Variants in COL6A2 observed in about 807,000 individuals in gnomAD.
The protein encoded by COL6A2 is collagen type VI alpha 2 chain.
In COL6A2, 90 loss-of-function variants were observed where a neutral mutation model predicts 124.9. That is an observed-to-expected ratio of 0.72 (90% CI 0.61 to 0.86). The LOEUF (loss-of-function observed/expected upper bound fraction) is 0.86. Ranked by LOEUF, COL6A2 falls within the 40% of genes least tolerant of loss-of-function variation. COL6A2 has a pLI of 0.00. For missense variants in COL6A2, 1,607 were observed against 1,502.5 expected (o/e 1.07, Z -1.15); for synonymous variants, 793 against 618.2 (o/e 1.28, Z -4.19).
In COL6A2 at chr21:46,121,971, C is replaced by A. The variant is rs2078573458; in HGVS notation, c.1522-137C>A. 2.0e-5 allele frequency: 18 copies of A among 907,560 alleles called. 1 individual carries two copies. The South Asian group carries it at 2.5e-4, about 13-fold the overall frequency. 56.2% of individuals were successfully genotyped at this position (907,560 alleles called of 1,614,324 possible). On this transcript the variant is annotated intron_variant, in intron 18 of 27. Coordinates refer to ENST00000300527, the MANE Select transcript of COL6A2 (RefSeq NM_001849.4). ...ACAGGGCGAGGTTGGCCCTGCCAGG[C>A]CTCTGCTCACAGCCAGAACTCGACG...
chr21:46,126,799 C>T (rs1463880089), intron 27 of COL6A2, among the ~76,000 whole-genome samples: 9 of 152,148 alleles, frequency 5.9e-5, no homozygotes, highest in South Asian at 2.1e-4. Flanking sequence ...GCGCTGTGCT[C>T]GGCATGTGGC....
intron 1 of COL6A2, among the ~76,000 whole-genome samples, chr21:46,100,323 TG>T (rs1398969992): frequency 6.6e-6 from 1 of 152,118 alleles, no homozygotes; most frequent in Non-Finnish European, 1.5e-5. Context: ...TTTGTTTGTT[TG>T]TTTGTTTGGG....
intron 25 of COL6A2, 47 bp downstream of exon 25, chr21:46,125,664 G>A: frequency 3.1e-6 from 5 of 1,592,626 alleles, no homozygotes; most frequent in Non-Finnish European, 4.3e-6. Flanking sequence ...GCCGGGCGGG[G>A]CGTGGGAGGC....
intron 17 of COL6A2, 76 bp downstream of exon 17, chr21:46,121,199 G>C (rs1265207595): frequency 1.4e-6 from 2 of 1,429,150 alleles, no homozygotes; most frequent in African/African-American, 1.4e-5. Flanking sequence ...GGACAGCCTG[G>C]AGCTAGCCAC....
At chr21:46,103,767 A>G (rs2078310495) in intron 1 of COL6A2, among the ~76,000 whole-genome samples, 1 of 152,198 alleles carries the variant, frequency 6.6e-6, no homozygotes, top group South Asian at 2.1e-4. Context: ...TGTATGATGT[A>G]GATCTTTCAA....
At chr21:46,123,845 G>A (rs1374215606) in intron 21 of COL6A2, among the ~76,000 whole-genome samples, 1 of 151,120 alleles carries the variant, frequency 6.6e-6, no homozygotes, top group Non-Finnish European at 1.5e-5. Flanking sequence ...AAGGATGGAT[G>A]GATGAATGAG....
intron 18 of COL6A2, 78 bp from the exon 19 acceptor site, chr21:46,122,030 C>T (rs2078574414): frequency 2.7e-6 from 4 of 1,485,266 alleles, no homozygotes; most frequent in Non-Finnish European, 2.8e-6. Flanking sequence ...CAGTGTGCAC[C>T]TTGCGCCCTG....
intron 27 of COL6A2, chr21:46,129,275 C>G (rs1464168446): frequency 6.2e-7 from 1 of 1,612,954 alleles, no homozygotes. Context: ...TCCCCAGGAC[C>G]ATTCCCCTGA....
At chr21:46,130,182 G>A (rs2078742711) in intron 27 of COL6A2, among the ~76,000 whole-genome samples, 1 of 152,206 alleles carries the variant, frequency 6.6e-6, no homozygotes, top group Non-Finnish European at 1.5e-5. Context: ...TAGGGCGAAT[G>A]GCCACAGCTG....
rs765084926 is a variant in COL6A2 at position 46,121,123 on chromosome 21, GGTCA to G, written c.1458+3_1458+6del. On this transcript the variant is annotated splice_donor_variant and splice_donor_region_variant and intron_variant, in intron 17 of 27. Coordinates refer to ENST00000300527, the MANE Select transcript of COL6A2 (RefSeq NM_001849.4). LOFTEE classifies it high-confidence loss of function. ...GAGCTCTTGGGGAGCCCGGAAAGCA[GGTCA>G]GTGTCAGTGCAGGAGGCCGGTGCCC... The G allele has an allele frequency of 3.7e-5, 59 of 1,612,748 alleles. No individual in the cohort carries two copies. Among genetic ancestry groups the G allele is most frequent in the African/African-American group, 6.7e-5 (5 of 75,020 alleles).
chr21:46,120,689 T>C (rs1346087024), intron 16 of COL6A2, 112 bp downstream of exon 16: 1 of 1,053,464 alleles, frequency 9.5e-7, no homozygotes, highest in Non-Finnish European at 1.3e-6. Context: ...GGGACCCGGG[T>C]GGGTGCTGCA....
chr21:46,126,522 A>G lies in COL6A2; in HGVS notation c.2442A>G (p.Pro814=). 6.2e-7 allele frequency: 1 copy of G among 1,613,182 alleles called. No individual in the cohort carries two copies. Among genetic ancestry groups the G allele is most frequent in the African/African-American group, 1.3e-5 (1 of 75,012 alleles). ...VLCPDPQIVC[P]DLPCQTELSV... ...TTCCAGACCCTCAGATCGTGTGCCC[A>G]GACCTTCCCTGCCAAACAGGTAATG... The change falls in exon 27 of 28, where the codon CCA becomes CCG. Residue 814 remains proline, a synonymous_variant. Transcript: ENST00000300527.
chr21:46,130,404 A>G (rs1324699436), intron 27 of COL6A2, among the ~76,000 whole-genome samples: 1 of 151,910 alleles, frequency 6.6e-6, no homozygotes, highest in African/African-American at 2.4e-5. Context: ...CGACGTTCTG[A>G]CTGCAGGAGC....
Position 46,132,711 on chromosome 21 carries a change from C to A in COL6A2, c.*159C>A. On this transcript the variant is annotated 3_prime_UTR_variant, in exon 28 of 28. Transcript: ENST00000300527. Reference sequence around the variant, plus strand: ...CCCACGGGGTCCCCGTAGCCCCGGCCCCCGCCCAGCCCCAGGTCTCCCCAG... The same window carrying A: ...CCCACGGGGTCCCCGTAGCCCCGGCACCCGCCCAGCCCCAGGTCTCCCCAG... 1 of 722,848 alleles carries A rather than the reference C, an allele frequency of 1.4e-6. No individual in the cohort carries two copies. The highest frequency in any genetic ancestry group is 2.3e-6 in the Non-Finnish European group (1 of 437,698). 44.8% of individuals were successfully genotyped at this position (722,848 alleles called of 1,614,324 possible).
intron 27 of COL6A2, among the ~76,000 whole-genome samples, chr21:46,131,701 C>T (rs1267140365): frequency 1.3e-5 from 2 of 152,166 alleles, no homozygotes; most frequent in African/African-American, 4.8e-5. Flanking sequence ...GTGGACAGGG[C>T]CTGGGGCCTG....
intron 1 of COL6A2, among the ~76,000 whole-genome samples, chr21:46,107,902 A>G (rs1347672804): frequency 6.6e-6 from 1 of 152,202 alleles, no homozygotes; most frequent in Non-Finnish European, 1.5e-5. Context: ...CACCTTGGGT[A>G]CATGTTCTCA....
intron 27 of COL6A2, among the ~76,000 whole-genome samples, chr21:46,129,980 C>T (rs972559144): frequency 1.3e-5 from 2 of 152,114 alleles, no homozygotes; most frequent in South Asian, 2.1e-4. Flanking sequence ...CAGGTTCCAG[C>T]GGAGCCTCGG....
intron 4 of COL6A2, 68 bp downstream of exon 4, chr21:46,112,892 C>T (rs767377489): frequency 4.4e-6 from 7 of 1,596,980 alleles, no homozygotes; most frequent in Non-Finnish European, 6.0e-6. Flanking sequence ...CCGCGCCAGG[C>T]TGCCGACTCC....
intron 16 of COL6A2, among the ~76,000 whole-genome samples, 179 bp downstream of exon 16, chr21:46,120,756 G>A (rs1387342732): frequency 6.6e-5 from 10 of 151,830 alleles, no homozygotes; most frequent in South Asian, 4.1e-4. Flanking sequence ...GGACCCAGGC[G>A]GGTGCTGCAC....
Sources: allele counts gnomAD v4.1 joint callset (sites outside exome capture counted in the v4.1 genomes callset), GRCh38; gene constraint gnomAD v4.1.1; transcripts MANE v1.5; gene names NCBI Gene and HGNC (gene_info 2026-07-23, HGNC 2026-07-21).